Variants in COL25A1 observed in about 807,000 individuals in gnomAD.
The protein encoded by COL25A1 is collagen alpha-1(XXV) chain.
In COL25A1, 103 loss-of-function variants were observed where a neutral mutation model predicts 128.4. The ratio of observed to expected loss-of-function variants is 0.80; its 90% CI spans 0.68 to 0.94. The LOEUF (loss-of-function observed/expected upper bound fraction) is 0.94, where lower values mean the gene tolerates loss of function less well. Among genes scored for constraint, COL25A1 ranks in the 40% least tolerant of loss-of-function variants. The pLI, the probability that COL25A1 is intolerant of heterozygous loss-of-function variation, is 0.00. For missense variants in COL25A1, 745 were observed against 840.0 expected (o/e 0.89, Z 1.40); for synonymous variants, 279 against 277.2 (o/e 1.01, Z -0.06).
chr4:108,846,248 A>G, intron 27 of COL25A1, 29 bp from the exon 28 acceptor site: 5 of 1,402,076 alleles, frequency 3.6e-6, no homozygotes, highest in Non-Finnish European at 5.1e-6. Context: ...GTTGGCATGT[A>G]AGCAGCATAA....
intron 3 of COL25A1, among the ~76,000 whole-genome samples, chr4:109,218,895 T>C (rs530293447): frequency 2.6e-5 from 4 of 152,030 alleles, no homozygotes; most frequent in African/African-American, 9.7e-5. Flanking sequence ...TGCGCCAAAA[T>C]AGGTTCATAG....
intron 3 of COL25A1, among the ~76,000 whole-genome samples, chr4:109,074,467 T>C (rs902281072): frequency 2.0e-5 from 3 of 152,230 alleles, no homozygotes; most frequent in Non-Finnish European, 2.9e-5. Flanking sequence ...AAAATTCCCA[T>C]TGTCGTAGAA....
intron 3 of COL25A1, among the ~76,000 whole-genome samples, chr4:109,250,234 T>C (rs1780554267): frequency 6.6e-6 from 1 of 152,030 alleles, no homozygotes; most frequent in African/African-American, 2.4e-5. Flanking sequence ...TTATGAATTG[T>C]CTCCAAGATA....
intron 3 of COL25A1, among the ~76,000 whole-genome samples, chr4:109,261,677 T>C (rs565410829): frequency 2.6e-5 from 4 of 151,660 alleles, no homozygotes; most frequent in South Asian, 2.1e-4. Context: ...GCAAGTAATA[T>C]TTTGATATAC....
In COL25A1 at chr4:108,884,227, A is replaced by C; in HGVS notation, c.976-5T>G. 11 of 1,613,016 alleles carry C rather than the reference A, an allele frequency of 6.8e-6. No individual in the cohort carries two copies. The highest frequency in any genetic ancestry group is 8.5e-6 in the Non-Finnish European group (10 of 1,179,102). On this transcript the variant is annotated splice_polypyrimidine_tract_variant and splice_region_variant and intron_variant, in intron 18 of 37. Coordinates refer to ENST00000399132, the MANE Select transcript of COL25A1 (RefSeq NM_198721.4). ...CCCAGGAAGCCCTGGTTCACCCTAC[A>C]CAGGAAAATCATATAGCATTATAGA...
At chr4:109,109,960 T>C (rs1217811905) in intron 3 of COL25A1, among the ~76,000 whole-genome samples, 1 of 152,168 alleles carries the variant, frequency 6.6e-6, no homozygotes, top group Admixed American at 6.5e-5. Context: ...CTCATTTCCA[T>C]CTTATAAACT....
intron 3 of COL25A1, among the ~76,000 whole-genome samples, chr4:109,111,172 G>A (rs972142043): frequency 1.3e-5 from 2 of 152,030 alleles, no homozygotes; most frequent in Non-Finnish European, 1.5e-5. Flanking sequence ...TGGTGTTTTC[G>A]CAATGACTGT....
chr4:109,210,564 T>C (rs1248010131), intron 3 of COL25A1, among the ~76,000 whole-genome samples: 2 of 152,168 alleles, frequency 1.3e-5, no homozygotes, highest in Non-Finnish European at 2.9e-5. Flanking sequence ...GTTTTTAACA[T>C]TTACACAGTG....
At chr4:109,040,221 G>A (rs1388290262) in intron 5 of COL25A1, among the ~76,000 whole-genome samples, 1 of 151,980 alleles carries the variant, frequency 6.6e-6, no homozygotes, top group Non-Finnish European at 1.5e-5. Context: ...CCACATTATA[G>A]TCCATGACCC....
intron 3 of COL25A1, among the ~76,000 whole-genome samples, chr4:109,052,128 T>A (rs1245968113): frequency 1.3e-5 from 2 of 152,162 alleles, no homozygotes; most frequent in Admixed American, 1.3e-4. Context: ...CAACAGTGGA[T>A]TTCATCAAAT....
chr4:109,219,617 C>A (rs545264038), intron 3 of COL25A1, among the ~76,000 whole-genome samples: 2 of 152,058 alleles, frequency 1.3e-5, no homozygotes, highest in African/African-American at 4.8e-5. Flanking sequence ...CCTATAGCCA[C>A]GCCCTTATTT....
At chr4:108,862,383 G>A in intron 22 of COL25A1, 118 bp downstream of exon 22, 1 of 779,736 alleles carries the variant, frequency 1.3e-6, no homozygotes, top group Non-Finnish European at 2.3e-6. Flanking sequence ...AAGTATTGCA[G>A]TTCCACTGTG....
At chr4:109,081,041 C>A (rs891456352) in intron 3 of COL25A1, among the ~76,000 whole-genome samples, 2 of 152,106 alleles carry the variant, frequency 1.3e-5, no homozygotes, top group Non-Finnish European at 2.9e-5. Context: ...ACATTGCTGG[C>A]GAGTAGGGTC....
At chr4:109,068,344 C>T (rs369940491) in intron 3 of COL25A1, among the ~76,000 whole-genome samples, 1 of 151,322 alleles carries the variant, frequency 6.6e-6, no homozygotes, top group East Asian at 2.0e-4. Flanking sequence ...ACCTGGTGCA[C>T]ATGCAACAGA....
chr4:109,070,598 A>G (rs925507428), intron 3 of COL25A1, among the ~76,000 whole-genome samples: 3 of 151,908 alleles, frequency 2.0e-5, no homozygotes, highest in Non-Finnish European at 4.4e-5. Context: ...CAGGTTTGTT[A>G]CATATGTATA....
intron 6 of COL25A1, among the ~76,000 whole-genome samples, chr4:108,985,821 T>C (rs760542176): frequency 3.3e-5 from 5 of 152,174 alleles, no homozygotes; most frequent in African/African-American, 4.8e-5. Context: ...ACCTGACTTA[T>C]GTCCTAAATT....
intron 3 of COL25A1, among the ~76,000 whole-genome samples, chr4:109,061,461 G>A (rs1332668793): frequency 6.6e-6 from 1 of 152,210 alleles, no homozygotes; most frequent in Non-Finnish European, 1.5e-5. Flanking sequence ...ATAGTTTAAG[G>A]AGGAGCTGCT....
At chr4:108,975,482 C>G (rs1752349961) in intron 6 of COL25A1, among the ~76,000 whole-genome samples, 2 of 152,164 alleles carry the variant, frequency 1.3e-5, no homozygotes, top group African/African-American at 4.8e-5. Flanking sequence ...CATAGTAATT[C>G]ATGTCTTTTG....
At chr4:108,978,833 T>C (rs1259525129) in intron 6 of COL25A1, among the ~76,000 whole-genome samples, 2 of 152,142 alleles carry the variant, frequency 1.3e-5, no homozygotes, top group African/African-American at 4.8e-5. Context: ...GAACAGTGAG[T>C]CACAGCTCTA....
Sources: gnomAD v4.1 joint callset for allele counts (sites outside exome capture counted in the v4.1 genomes callset) on GRCh38, gnomAD v4.1.1 for gene constraint, MANE v1.5 for transcripts, NCBI Gene and HGNC (gene_info 2026-07-23, HGNC 2026-07-21) for gene names.